ZSCAN25: variants seen among roughly 807,000 people sequenced by gnomAD.
ZSCAN25 encodes zinc finger and SCAN domain containing 25, also known as zinc finger and SCAN domain-containing protein 25.
A neutral mutation model predicts 38.7 loss-of-function variants in ZSCAN25; 27 were observed. The observed-to-expected ratio is 0.70, with a 90% confidence interval of 0.51 to 0.96. The LOEUF is 0.96. Among genes scored for constraint, ZSCAN25 ranks in the 40% least tolerant of loss-of-function variants. The pLI is 0.00. For missense variants in ZSCAN25, 637 were observed against 705.9 expected (o/e 0.90, Z 1.11); for synonymous variants, 273 against 277.7 (o/e 0.98, Z 0.17).
the ZSCAN25 span, among the ~76,000 whole-genome samples, chr7:99,680,242 G>A: frequency 6.6e-6 from 1 of 152,042 alleles, no homozygotes; most frequent in Non-Finnish European, 1.5e-5. Context: ...CCCCTCCATG[G>A]CTGCCTTCAT....
chr7:99,694,967 A>G, the ZSCAN25 span, among the ~76,000 whole-genome samples: 11 of 146,268 alleles, frequency 7.5e-5, no homozygotes, highest in Non-Finnish European at 1.5e-5. Context: ...GATTTTGCAT[A>G]TGATTCTGCC....
the ZSCAN25 span, among the ~76,000 whole-genome samples, chr7:99,660,869 A>G: frequency 6.6e-6 from 1 of 152,166 alleles, no homozygotes; most frequent in African/African-American, 2.4e-5. Context: ...CCCAAGGTCT[A>G]CATGATTGTG....
At chr7:99,721,663 G>T in the ZSCAN25 span, among the ~76,000 whole-genome samples, 1 of 152,166 alleles carries the variant, frequency 6.6e-6, no homozygotes, top group African/African-American at 2.4e-5. Flanking sequence ...GGTGACATAT[G>T]GGATCCTTGG....
intron 5 of ZSCAN25, 113 bp from the exon 6 acceptor site, chr7:99,622,436 A>T: frequency 1.1e-6 from 1 of 934,860 alleles, no homozygotes; most frequent in South Asian, 1.3e-5. Context: ...TTCTGTCTGG[A>T]GTCTTCTGGT....
Position 99,631,294 on chromosome 7 carries a change from G to A in ZSCAN25, c.*1274G>A, listed in dbSNP as rs1278869943. On this transcript the variant is annotated 3_prime_UTR_variant, in exon 8 of 8. Transcript: ENST00000394152. ...GGACACCCACTGGGGATGATGAGCTGGTAGCGACCTGTTTTGCATGAGTGC... is the reference window on the plus strand; with the variant it reads ...GGACACCCACTGGGGATGATGAGCTAGTAGCGACCTGTTTTGCATGAGTGC... The A allele has an allele frequency of 1.0e-6, 1 of 985,182 alleles. No individual in the cohort carries two copies. Among genetic ancestry groups the A allele is most frequent in the Non-Finnish European group, 1.2e-6 (1 of 829,928 alleles). 61.0% of individuals were successfully genotyped at this position (985,182 alleles called of 1,614,324 possible).
chr7:99,652,847 T>C, the ZSCAN25 span: 1 of 1,203,694 alleles, frequency 8.3e-7, no homozygotes, highest in Non-Finnish European at 1.2e-6. Context: ...GTCCATGCAG[T>C]ACTATTGAAG....
chr7:99,649,071 C>T, the ZSCAN25 span, among the ~76,000 whole-genome samples: 1 of 152,150 alleles, frequency 6.6e-6, no homozygotes, highest in African/African-American at 2.4e-5. Context: ...GAGTAACATT[C>T]TGATCTCAGT....
At chr7:99,676,643 C>G in the ZSCAN25 span, 1 of 924,124 alleles carries the variant, frequency 1.1e-6, no homozygotes, top group Admixed American at 1.9e-5. Flanking sequence ...TCACTGTATG[C>G]ACTCAATCAC....
downstream of ZSCAN25, among the ~76,000 whole-genome samples, chr7:99,632,990 T>TTGTTTTTTTTTTGTTTTTTTG (rs2064579769): frequency 7.2e-6 from 1 of 138,986 alleles, no homozygotes; most frequent in East Asian, 2.1e-4. Flanking sequence ...TTTTCTGTTG[T>TTGTTTTTTTTTTGTTTTTTTG]TTTTTTTTTT....
the ZSCAN25 span, among the ~76,000 whole-genome samples, chr7:99,678,253 C>T: frequency 6.6e-6 from 1 of 152,220 alleles, no homozygotes; most frequent in Admixed American, 6.5e-5. Context: ...GATGAGATGC[C>T]AACCTGTTTG....
chr7:99,688,254 A>C, the ZSCAN25 span, among the ~76,000 whole-genome samples: 1 of 152,162 alleles, frequency 6.6e-6, no homozygotes, highest in Admixed American at 6.5e-5. Flanking sequence ...AAGACCCATC[A>C]GTGTGCTGTA....
the ZSCAN25 span, chr7:99,714,486 C>T: frequency 3.0e-4 from 471 of 1,593,184 alleles, 1 homozygote; most frequent in African/African-American, 4.3e-3. Flanking sequence ...GGAAGTGCAC[C>T]GATCATATGT....
downstream of ZSCAN25, among the ~76,000 whole-genome samples, chr7:99,637,142 C>G (rs186694323): frequency 9.6e-3 from 1,459 of 152,176 alleles, 12 homozygotes; most frequent in Non-Finnish European, 0.015. Context: ...TAATCAGTTG[C>G]TATAATGTGA....
At chr7:99,671,995 G>A in the ZSCAN25 span, 2 of 614,078 alleles carry the variant, frequency 3.3e-6, no homozygotes, top group Admixed American at 2.7e-5. Context: ...TCAATTTCCT[G>A]TACTATAGTA....
chr7:99,699,049 C>T, the ZSCAN25 span, among the ~76,000 whole-genome samples: 1 of 152,170 alleles, frequency 6.6e-6, no homozygotes, highest in Non-Finnish European at 1.5e-5. Context: ...TCCACCTGCT[C>T]TAGGATGCCA....
chr7:99,708,971 G>C, the ZSCAN25 span: 1 of 1,566,624 alleles, frequency 6.4e-7, no homozygotes, highest in South Asian at 1.1e-5. Context: ...CTGTCCTGTA[G>C]AGAGGCAGAA....
chr7:99,679,249 G>A, the ZSCAN25 span, among the ~76,000 whole-genome samples: 8 of 152,136 alleles, frequency 5.3e-5, no homozygotes, highest in African/African-American at 1.7e-4. Context: ...GCATGGCACA[G>A]GAAAGAGGGA....
the ZSCAN25 span, among the ~76,000 whole-genome samples, chr7:99,690,772 T>A: frequency 1.3e-5 from 2 of 152,006 alleles, no homozygotes; most frequent in African/African-American, 4.8e-5. Context: ...AGAATGGTGA[T>A]CATTAAAAAG....
chr7:99,631,073 A>G lies in ZSCAN25; in HGVS notation c.*1053A>G. 6.1e-6 allele frequency: 6 copies of G among 984,514 alleles called. No individual in the cohort carries two copies. The highest frequency in any genetic ancestry group is 7.2e-6 in the Non-Finnish European group (6 of 829,152). The allele number at this position is 984,514 out of a possible 1,614,324, so 61.0% of individuals were successfully genotyped here. A position where few individuals can be genotyped will look rare whatever the true frequency, so the allele number is the denominator to read the frequency against. On this transcript the variant is annotated 3_prime_UTR_variant, in exon 8 of 8. Transcript: ENST00000394152. ...ACATCCATGAATAAAATAGGGGGAGAAGCTGTTGACCTCGTAGAGCTTATG... is the reference window on the plus strand; with the variant it reads ...ACATCCATGAATAAAATAGGGGGAGGAGCTGTTGACCTCGTAGAGCTTATG...
Sources: gnomAD v4.1 joint callset for allele counts (sites outside exome capture counted in the v4.1 genomes callset) on GRCh38, gnomAD v4.1.1 for gene constraint, MANE v1.5 for transcripts, NCBI Gene and HGNC (gene_info 2026-07-23, HGNC 2026-07-21) for gene names.